Variants in MAGI2 observed in about 807,000 individuals in gnomAD.
MAGI2 encodes the protein membrane-associated guanylate kinase, WW and PDZ domain-containing protein 2.
In MAGI2, 35 loss-of-function variants were observed where a neutral mutation model predicts 133.3. The ratio of observed to expected loss-of-function variants is 0.26; its 90% CI spans 0.20 to 0.35. The LOEUF is 0.35. Ranked by LOEUF, MAGI2 falls within the 10% of genes least tolerant of loss-of-function variation. MAGI2 has a pLI of 1.00. For missense variants in MAGI2, 1,636 were observed against 1,863.4 expected, an observed-to-expected ratio of 0.88 and a Z score of 2.25; for synonymous variants, 729 against 710.6, an observed-to-expected ratio of 1.03 and a Z score of -0.41.
intron 10 of MAGI2, among the ~76,000 whole-genome samples, chr7:78,215,721 A>T (rs1293840337): frequency 1.3e-5 from 2 of 152,190 alleles, no homozygotes; most frequent in African/African-American, 4.8e-5. Context: ...AATGGAGGAA[A>T]AGGGGGTAGC....
intron 11 of MAGI2, 145 bp downstream of exon 11, chr7:78,201,017 C>T (rs1431971228): frequency 1.7e-6 from 1 of 575,214 alleles, no homozygotes; most frequent in East Asian, 3.5e-5. Flanking sequence ...AGATACAAGA[C>T]AAAAGGACAC....
rs527752268 is a variant in MAGI2, at chr7:78,110,508, A to C, written c.3567+15186T>G. ...GCATTTATGAGGAATGTCAGTCCCT[A>C]CCTCTTCCCCGCACCATGCTTGACC... On this transcript the variant is annotated intron_variant, in intron 20 of 21. Coordinates refer to ENST00000354212, the MANE Select transcript of MAGI2 (RefSeq NM_012301.4). Among the ~76,000 whole-genome samples the C allele has an allele frequency of 5.9e-5, 9 of 152,296 alleles. No homozygotes were observed. The South Asian group carries it at 1.9e-3, about 32-fold the overall frequency.
At chr7:79,363,991 T>A (rs1449579466) in intron 1 of MAGI2, among the ~76,000 whole-genome samples, 2 of 151,950 alleles carry the variant, frequency 1.3e-5, no homozygotes, top group African/African-American at 4.8e-5. Context: ...TATAAAAAAA[T>A]GTTTAACATC....
At chr7:79,141,735 T>C (rs1433640829) in intron 1 of MAGI2, among the ~76,000 whole-genome samples, 1 of 150,810 alleles carries the variant, frequency 6.6e-6, no homozygotes, top group Non-Finnish European at 1.5e-5. Flanking sequence ...TGAATTCTCG[T>C]TGGCTTTGTT....
At chr7:78,125,010 C>A (rs1005132526) in intron 20 of MAGI2, among the ~76,000 whole-genome samples, 1 of 152,032 alleles carries the variant, frequency 6.6e-6, no homozygotes, top group East Asian at 1.9e-4. Context: ...ACTACAGGCG[C>A]CCGCCACCAC....
At chr7:78,294,212 G>A (rs1797008056) in intron 9 of MAGI2, among the ~76,000 whole-genome samples, 1 of 152,012 alleles carries the variant, frequency 6.6e-6, no homozygotes, top group African/African-American at 2.4e-5. Flanking sequence ...TCCAGTGAGG[G>A]AGATACTGTG....
intron 1 of MAGI2, among the ~76,000 whole-genome samples, chr7:79,342,138 C>T (rs1419536516): frequency 5.9e-5 from 9 of 152,188 alleles, no homozygotes; most frequent in Non-Finnish European, 1.3e-4. Flanking sequence ...ACATTTTAAA[C>T]TCACTTTAAA....
chr7:78,990,905 TACACACACACAC>T lies in MAGI2; in HGVS notation c.418+16173_418+16184del, dbSNP rs140828645. ...TGAAATAAGAGATTTTATATGTACA[TACACACACACAC>T]ACACACACACACACACACACACACA... On this transcript the variant is annotated intron_variant, in intron 2 of 21. Coordinates refer to ENST00000354212, the MANE Select transcript of MAGI2 (RefSeq NM_012301.4). Among the ~76,000 whole-genome samples, 33 of 141,494 alleles carry T rather than the reference TACACACACACAC, an allele frequency of 2.3e-4. No individual in the cohort carries two copies. In the South Asian group the frequency reaches 6.3e-3, roughly 27 times the overall value. 92.8% of individuals were successfully genotyped at this position (141,494 alleles called of 152,430 possible).
intron 6 of MAGI2, among the ~76,000 whole-genome samples, chr7:78,436,417 C>T (rs1161742778): frequency 6.6e-6 from 1 of 152,148 alleles, no homozygotes; most frequent in Non-Finnish European, 1.5e-5. Context: ...CAACAGACCT[C>T]TGTCCTCAAC....
chr7:78,886,219 G>T (rs184390315), intron 2 of MAGI2, among the ~76,000 whole-genome samples: 1 of 152,288 alleles, frequency 6.6e-6, no homozygotes, highest in East Asian at 1.9e-4. Flanking sequence ...AAGCAATTAG[G>T]CAGGTGAGGT....
intron 4 of MAGI2, among the ~76,000 whole-genome samples, chr7:78,505,068 G>A (rs1794965656): frequency 6.6e-6 from 1 of 152,108 alleles, no homozygotes; most frequent in Non-Finnish European, 1.5e-5. Context: ...AAATTTGGAT[G>A]GGGGTGGAAG....
chr7:79,187,826 G>A (rs990398359), intron 1 of MAGI2, among the ~76,000 whole-genome samples: 4 of 151,790 alleles, frequency 2.6e-5, no homozygotes, highest in Admixed American at 2.6e-4. Context: ...AGGACTGTTT[G>A]GGATTGCCAC....
At chr7:78,516,719 T>C (rs996882636) in intron 4 of MAGI2, among the ~76,000 whole-genome samples, 2 of 152,076 alleles carry the variant, frequency 1.3e-5, no homozygotes, top group Non-Finnish European at 2.9e-5. Flanking sequence ...TCAGGAAGGA[T>C]CCTGGAGGCA....
chr7:78,510,240 T>C (rs568159008), intron 4 of MAGI2, among the ~76,000 whole-genome samples: 7 of 152,322 alleles, frequency 4.6e-5, no homozygotes, highest in Non-Finnish European at 1.0e-4. Context: ...CCACCTAGGT[T>C]TGAATCTGTC....
intron 2 of MAGI2, among the ~76,000 whole-genome samples, chr7:79,001,195 G>A (rs574787347): frequency 1.2e-4 from 18 of 152,322 alleles, no homozygotes; most frequent in East Asian, 3.9e-4. Context: ...GATTACAGGC[G>A]TGAGCCACCA....
chr7:78,710,461 T>C (rs888540624), intron 2 of MAGI2, among the ~76,000 whole-genome samples: 3 of 152,136 alleles, frequency 2.0e-5, no homozygotes, highest in Admixed American at 2.0e-4. Context: ...CTTGACCCAT[T>C]CTTAGAGAAG....
At chr7:78,107,602 CT>C (rs1381400869) in intron 20 of MAGI2, among the ~76,000 whole-genome samples, 1 of 151,820 alleles carries the variant, frequency 6.6e-6, no homozygotes, top group African/African-American at 2.4e-5. Flanking sequence ...TTATTTGAAG[CT>C]TTTGTAAATG....
intron 1 of MAGI2, among the ~76,000 whole-genome samples, chr7:79,124,546 C>T (rs1820225723): frequency 2.0e-5 from 3 of 152,276 alleles, no homozygotes; most frequent in African/African-American, 7.2e-5. Flanking sequence ...TTGATCTGTA[C>T]CTCCCACAGA....
In MAGI2 at chr7:78,929,697, A is replaced by G. The variant is rs375185307; in HGVS notation, c.418+77393T>C. Among the ~76,000 whole-genome samples the G allele has an allele frequency of 7.0e-4, 107 of 152,166 alleles. 1 individual carries two copies. The East Asian group carries it at 0.016, about 23-fold the overall frequency. On this transcript the variant is annotated intron_variant, in intron 2 of 21. Transcript: ENST00000354212. The stretch of plus-strand genomic sequence containing the variant: ...CTCTTATAAGGACTGTTGTCATTAC[A>G]TCAGTCTCACCCAGATAACCTCTGA...
Sources: gnomAD v4.1 joint callset for allele counts (sites outside exome capture counted in the v4.1 genomes callset) on GRCh38, gnomAD v4.1.1 for gene constraint, MANE v1.5 for transcripts, NCBI Gene and HGNC (gene_info 2026-07-23, HGNC 2026-07-21) for gene names.